The following HRH1 variants were observed in gnomAD, a reference collection of about 807,000 sequenced individuals.
HRH1 encodes histamine receptor H1.
HRH1 carries 6 observed loss-of-function variants against 10.3 expected under a neutral mutation model. The ratio of observed to expected loss-of-function variants is 0.58; its 90% CI spans 0.32 to 1.15. HRH1 has a LOEUF of 1.15. Among genes scored for constraint, HRH1 ranks in the 50% most tolerant of loss-of-function variants. HRH1 has a pLI of 0.05. For missense variants in HRH1, 514 were observed against 615.3 expected, an observed-to-expected ratio of 0.84 and a Z score of 1.74; for synonymous variants, 242 against 236.7, an observed-to-expected ratio of 1.02 and a Z score of -0.21.
At chr3:11,146,404 G>A (rs1936445699) in intron 1 of HRH1, among the ~76,000 whole-genome samples, 1 of 152,166 alleles carries the variant, frequency 6.6e-6, no homozygotes, top group South Asian at 2.1e-4. Context: ...TCTTTTCCAG[G>A]CTTTTGAGTT....
In HRH1 at chr3:11,259,053, T is replaced by C; in HGVS notation, c.16T>C (p.Ser6Pro). The C allele has an allele frequency of 6.3e-7, 1 of 1,599,588 alleles. No homozygotes were observed. ...TCTTGCGCCAATGAGCCTCCCCAAT[T>C]CCTCCTGCCTCTTAGAAGACAAGAT... MSLPNSSCLLEDKMCE... is the reference protein window; with the variant it reads MSLPNPSCLLEDKMCE... The change falls in exon 2 of 2, where the codon TCC becomes CCC. Residue 6 changes from serine (S) to proline (P), a missense_variant. Physicochemically the swap from Ser to Pro is moderately conservative, Grantham distance 74. Transcript: ENST00000431010. The surrounding 1 kb of genome is among the most constrained non-coding windows in gnomAD (Gnocchi z 4.6).
At chr3:11,138,990 T>TC (rs1377550798) in intron 1 of HRH1, among the ~76,000 whole-genome samples, 1 of 99,298 alleles carries the variant, frequency 1.0e-5, no homozygotes, top group East Asian at 2.9e-4. Context: ...TGCATTGTTC[T>TC]TTTTTTTTTT....
chr3:11,234,482 T>C lies in HRH1; in HGVS notation c.-35-24521T>C, dbSNP rs981474272. 7.2e-6 allele frequency: 11 copies of C among 1,535,614 alleles called. No homozygotes were observed. The African/African-American group carries it at 1.4e-4, about 19-fold the overall frequency. On this transcript the variant is annotated intron_variant, in intron 1 of 1. Transcript: ENST00000431010. Reference sequence around the variant, plus strand: ...GAAGCAGGAAAAGGCTGACTTGAACTGTTCCCCACAGGGGCCGCTGGCCAT... The same window carrying C: ...GAAGCAGGAAAAGGCTGACTTGAACCGTTCCCCACAGGGGCCGCTGGCCAT...
chr3:11,176,728 A>C (rs1937255309), intron 1 of HRH1, among the ~76,000 whole-genome samples: 1 of 152,264 alleles, frequency 6.6e-6, no homozygotes. Flanking sequence ...CATGCTGCTA[A>C]TAATAAAATA....
intron 1 of HRH1, among the ~76,000 whole-genome samples, chr3:11,145,472 G>A (rs1280389279): frequency 1.3e-5 from 2 of 152,152 alleles, no homozygotes; most frequent in African/African-American, 4.8e-5. Context: ...CACACAGTGT[G>A]TCTAATGCCT....
intron 1 of HRH1, among the ~76,000 whole-genome samples, chr3:11,171,448 T>C (rs545352817): frequency 2.0e-5 from 3 of 152,104 alleles, no homozygotes; most frequent in Middle Eastern, 3.2e-3. Flanking sequence ...CCATTCATTC[T>C]CTGGGATCTT....
chr3:11,190,732 T>G (rs1000750799), intron 1 of HRH1, among the ~76,000 whole-genome samples: 2 of 151,946 alleles, frequency 1.3e-5, no homozygotes, highest in Non-Finnish European at 2.9e-5. Flanking sequence ...TGGCCTATGG[T>G]CCCAGCTACT....
In HRH1 at chr3:11,262,448, T is replaced by G. The variant is rs1939980099; in HGVS notation, c.*1947T>G. On this transcript the variant is annotated 3_prime_UTR_variant, in exon 2 of 2. Coordinates refer to ENST00000431010, the MANE Select transcript of HRH1 (RefSeq NM_001098212.2). ...TGTCTTTTCAAAAGGATTTACTTTT[T>G]GTAAAAAGCTTCATTCTCACTCTGC... is the stretch of plus-strand genomic sequence containing the variant. The G allele has an allele frequency of 6.0e-6, 1 of 167,136 alleles. No homozygotes were observed. Among genetic ancestry groups the G allele is most frequent in the Non-Finnish European group, 1.5e-5 (1 of 68,130 alleles). The allele number at this position is 167,136 out of a possible 1,614,324, so 10.4% of individuals were successfully genotyped here.
At chr3:11,182,507 A>G (rs1937377507) in intron 1 of HRH1, among the ~76,000 whole-genome samples, 1 of 152,146 alleles carries the variant, frequency 6.6e-6, no homozygotes, top group African/African-American at 2.4e-5. Context: ...ACCCTCCCCT[A>G]TCTATCCATT....
chr3:11,257,204 G>A (rs1374027831), intron 1 of HRH1, among the ~76,000 whole-genome samples: 2 of 148,590 alleles, frequency 1.3e-5, no homozygotes, highest in Non-Finnish European at 3.0e-5. Flanking sequence ...AGTGAGCTGA[G>A]ATGGTGCCAC....
At chr3:11,148,199 G>T (rs202242202) in intron 1 of HRH1, among the ~76,000 whole-genome samples, 1 of 137,298 alleles carries the variant, frequency 7.3e-6, no homozygotes, top group Non-Finnish European at 1.6e-5. Context: ...AAAAAAAAAA[G>T]AAAAGAAACT....
intron 1 of HRH1, among the ~76,000 whole-genome samples, chr3:11,144,976 C>A (rs887666632): frequency 1.3e-5 from 2 of 152,148 alleles, no homozygotes; most frequent in Admixed American, 1.3e-4. Context: ...GTTTCCTTAA[C>A]GATTTCCTCT....
upstream of HRH1, among the ~76,000 whole-genome samples, chr3:11,150,776 C>G (rs940961237): frequency 2.6e-5 from 4 of 152,080 alleles, no homozygotes; most frequent in African/African-American, 4.8e-5. Flanking sequence ...CTCGATTTCC[C>G]CATGTGAACA....
intron 1 of HRH1, among the ~76,000 whole-genome samples, chr3:11,179,474 G>T (rs1006392114): frequency 2.6e-5 from 4 of 151,656 alleles, no homozygotes; most frequent in African/African-American, 9.7e-5. Flanking sequence ...CAAAAAATTA[G>T]CTGGGCGTGG....
At chr3:11,143,193 C>T (rs1221943105) in intron 1 of HRH1, among the ~76,000 whole-genome samples, 1 of 152,080 alleles carries the variant, frequency 6.6e-6, no homozygotes, top group Non-Finnish European at 1.5e-5. Context: ...TGGGGTGCTT[C>T]TAAGTTGCTT....
intron 1 of HRH1, among the ~76,000 whole-genome samples, chr3:11,251,039 C>T (rs1196214960): frequency 1.3e-5 from 2 of 152,156 alleles, no homozygotes; most frequent in African/African-American, 4.8e-5. Flanking sequence ...TCTGGTTGTA[C>T]CCATCTTCCC....
chr3:11,141,766 C>G (rs1372634011), intron 1 of HRH1, among the ~76,000 whole-genome samples: 1 of 152,172 alleles, frequency 6.6e-6, no homozygotes, highest in Non-Finnish European at 1.5e-5. Flanking sequence ...AGCCCTAATT[C>G]AGTGTGGGTT....
intron 1 of HRH1, among the ~76,000 whole-genome samples, chr3:11,215,562 T>A (rs1035966712): frequency 4.4e-4 from 67 of 152,332 alleles, no homozygotes; most frequent in African/African-American, 1.5e-3. Flanking sequence ...TGCCTCAGCC[T>A]CCCAAGTAGC....
intron 1 of HRH1, among the ~76,000 whole-genome samples, chr3:11,143,254 G>A (rs1936330383): frequency 6.6e-6 from 1 of 152,194 alleles, no homozygotes; most frequent in Admixed American, 6.5e-5. Context: ...GTGATCTGAT[G>A]TGTGTCCACA....
Sources: allele counts gnomAD v4.1 joint callset (sites outside exome capture counted in the v4.1 genomes callset), GRCh38; gene constraint gnomAD v4.1.1; non-coding constraint Gnocchi (gnomAD v3.1); transcripts MANE v1.5; gene names NCBI Gene and HGNC (gene_info 2026-07-23, HGNC 2026-07-21).